Variants in TENM3 observed in about 807,000 individuals in gnomAD.
TENM3 encodes teneurin transmembrane protein 3.
In TENM3, 63 loss-of-function variants were observed where a neutral mutation model predicts 255.1. The observed-to-expected ratio is 0.25, with a 90% CI of 0.20 to 0.30. The LOEUF (loss-of-function observed/expected upper bound fraction) is 0.30. Ranked by LOEUF, TENM3 falls within the 10% of genes least tolerant of loss-of-function variation. The probability of loss-of-function intolerance (pLI) is 1.00; values close to 1 mark genes in which losing one functional copy is unlikely to be tolerated. For missense variants in TENM3, 2,929 were observed against 3,461.1 expected (o/e 0.85, Z 3.86); for synonymous variants, 1,306 against 1,322.3 (o/e 0.99, Z 0.27).
chr4:181,950,559 T>C, the TENM3 span, among the ~76,000 whole-genome samples: 3 of 152,332 alleles, frequency 2.0e-5, no homozygotes, highest in South Asian at 6.2e-4. Context: ...ATGAAGGCAC[T>C]TGGTCTGGGT....
At chr4:181,879,901 C>T in the TENM3 span, among the ~76,000 whole-genome samples, 35 of 152,168 alleles carry the variant, frequency 2.3e-4, no homozygotes, top group Admixed American at 1.7e-3. Context: ...TTTTTTTTAA[C>T]ATGTTCAGAT....
chr4:181,869,268 A>C, the TENM3 span, among the ~76,000 whole-genome samples: 1 of 152,168 alleles, frequency 6.6e-6, no homozygotes, highest in Non-Finnish European at 1.5e-5. Context: ...GAAACACTTC[A>C]GTTTAGAGGG....
the TENM3 span, among the ~76,000 whole-genome samples, chr4:181,669,650 A>T: frequency 1.3e-5 from 2 of 152,302 alleles, no homozygotes; most frequent in South Asian, 4.1e-4. Context: ...CCAGCGTATC[A>T]GCACAGAGGA....
At chr4:181,959,679 G>A in the TENM3 span, among the ~76,000 whole-genome samples, 1 of 151,984 alleles carries the variant, frequency 6.6e-6, no homozygotes, top group African/African-American at 2.4e-5. Context: ...CCAACAAAAT[G>A]TTGAAAGAAA....
the TENM3 span, among the ~76,000 whole-genome samples, chr4:181,463,598 G>T: frequency 6.6e-6 from 1 of 152,066 alleles, no homozygotes; most frequent in Non-Finnish European, 1.5e-5. Context: ...AAGATTTTTG[G>T]TTGTTGTCAT....
chr4:182,399,912 G>T (rs1488851944), intron 3 of TENM3, among the ~76,000 whole-genome samples: 2 of 152,192 alleles, frequency 1.3e-5, no homozygotes, highest in South Asian at 2.1e-4. Context: ...CAGAGTCTTG[G>T]TGGTGAAATT....
At chr4:181,704,716 G>A in the TENM3 span, among the ~76,000 whole-genome samples, 2 of 152,036 alleles carry the variant, frequency 1.3e-5, no homozygotes, top group African/African-American at 4.8e-5. Context: ...TTCTACACTA[G>A]GTGATGGGAT....
the TENM3 span, among the ~76,000 whole-genome samples, chr4:181,620,063 C>T: frequency 6.6e-6 from 1 of 152,002 alleles, no homozygotes; most frequent in African/African-American, 2.4e-5. Context: ...GAGTTTCTGT[C>T]CAGCCTGGGC....
chr4:181,953,679 CAAAAAAGA>C, the TENM3 span, among the ~76,000 whole-genome samples: 1 of 148,348 alleles, frequency 6.7e-6, no homozygotes. Context: ...GACTCTGTCT[CAAAAAAGA>C]AAAAAAGAAA....
At chr4:182,329,888 C>T (rs1763641682) in intron 2 of TENM3, among the ~76,000 whole-genome samples, 1 of 152,130 alleles carries the variant, frequency 6.6e-6, no homozygotes, top group African/African-American at 2.4e-5. Context: ...TGCACACACA[C>T]AAACTGAGGC....
intron 1 of TENM3, among the ~76,000 whole-genome samples, chr4:182,201,101 A>T (rs1443032804): frequency 6.6e-6 from 1 of 152,154 alleles, no homozygotes; most frequent in Non-Finnish European, 1.5e-5. Flanking sequence ...CTAGGATTAT[A>T]GGTGTGAGCC....
At chr4:181,833,716 CT>C in the TENM3 span, among the ~76,000 whole-genome samples, 32,989 of 148,540 alleles carry the variant, frequency 0.22, 4,121 homozygotes, top group East Asian at 0.63. Flanking sequence ...TCTCTGGAAA[CT>C]TTTTTTTTTT....
chr4:182,639,171 A>G (rs1752089067), intron 5 of TENM3, among the ~76,000 whole-genome samples: 1 of 152,238 alleles, frequency 6.6e-6, no homozygotes, highest in Admixed American at 6.5e-5. Flanking sequence ...CTTATATGAC[A>G]AGATATAATT....
intron 18 of TENM3, among the ~76,000 whole-genome samples, chr4:182,742,540 A>G (rs542575965): frequency 2.0e-5 from 3 of 152,328 alleles, no homozygotes; most frequent in African/African-American, 7.2e-5. Context: ...TTGGAGTTTG[A>G]TGTCTATTTT....
At chr4:181,962,681 A>T in the TENM3 span, among the ~76,000 whole-genome samples, 1 of 152,186 alleles carries the variant, frequency 6.6e-6, no homozygotes, top group Non-Finnish European at 1.5e-5. Context: ...CAAATTAACT[A>T]CTTTCTTTTT....
Position 182,796,724 on chromosome 4 carries a change from C to T in TENM3, c.7301C>T (p.Pro2434Leu). The change falls in exon 27 of 28, where the codon CCT (proline) becomes CTT (leucine). Residue 2434 changes from proline to leucine, a missense_variant. Physicochemically the swap from Pro to Leu is moderately conservative, Grantham distance 98. This residue lies in a region of TENM3 where 476 missense variants were observed against 480.1 expected (regional missense o/e 0.99). Coordinates refer to ENST00000511685, the MANE Select transcript of TENM3 (RefSeq NM_001080477.4). ...GTTCCCAAATTTGATTTAACAGAACCTTCTTACGAACTTGTGAAGAGTCAG... is the reference window on the plus strand; with the variant it reads ...GTTCCCAAATTTGATTTAACAGAACTTTCTTACGAACTTGTGAAGAGTCAG... ...FPVPKFDLTE[P>L]SYELVKSQQW... 1 of 1,611,876 alleles carries T rather than the reference C, an allele frequency of 6.2e-7. No individual in the cohort carries two copies. The highest frequency in any genetic ancestry group is 8.5e-7 in the Non-Finnish European group (1 of 1,178,820).
chr4:181,960,301 G>C, the TENM3 span, among the ~76,000 whole-genome samples: 1 of 152,112 alleles, frequency 6.6e-6, no homozygotes, highest in East Asian at 1.9e-4. Flanking sequence ...TAATGTAATG[G>C]ATTCTCTCAA....
the TENM3 span, among the ~76,000 whole-genome samples, chr4:181,572,360 CAT>C: frequency 1.3e-5 from 2 of 151,976 alleles, no homozygotes; most frequent in Middle Eastern, 3.2e-3. Context: ...TTTTGAGAAA[CAT>C]ATGAAAAATA....
At chr4:181,529,463 A>G in the TENM3 span, among the ~76,000 whole-genome samples, 6 of 152,218 alleles carry the variant, frequency 3.9e-5, no homozygotes, top group African/African-American at 1.4e-4. Context: ...CTCAAGGGAA[A>G]TAGATGTGGG....
Sources: gnomAD v4.1 joint callset for allele counts (sites outside exome capture counted in the v4.1 genomes callset) on GRCh38, gnomAD v4.1.1 for gene constraint, gnomAD v4.1.1 regional missense constraint, MANE v1.5 for transcripts, NCBI Gene and HGNC (gene_info 2026-07-23, HGNC 2026-07-21) for gene names.